LNX2: variants seen among roughly 807,000 people sequenced by gnomAD.
LNX2 encodes the protein ligand of numb-protein X 2.
A neutral mutation model predicts 66.2 loss-of-function variants in LNX2; 35 were observed. That is an observed-to-expected ratio of 0.53 (90% CI 0.40 to 0.70). LNX2 has a LOEUF of 0.70. LNX2 is among the 30% of genes least tolerant of loss of function. The probability of loss-of-function intolerance (pLI) is 0.00; values close to 1 mark genes in which losing one functional copy is unlikely to be tolerated. For missense variants in LNX2, 791 were observed against 850.8 expected (o/e 0.93, Z 0.87); for synonymous variants, 337 against 315.6 (o/e 1.07, Z -0.72).
chr13:27,597,585 T>A (rs1955612976), intron 1 of LNX2, among the ~76,000 whole-genome samples: 1 of 152,070 alleles, frequency 6.6e-6, no homozygotes, highest in Non-Finnish European at 1.5e-5. Flanking sequence ...TCAAATGATG[T>A]GACTAGACCC....
chr13:27,562,814 A>C (rs1251373229), intron 4 of LNX2, 33 bp from the exon 5 acceptor site: 3 of 1,574,846 alleles, frequency 1.9e-6, no homozygotes, highest in Non-Finnish European at 2.6e-6. Context: ...GAAGTGTGAC[A>C]ACCTTTTATT....
chr13:27,589,379 CAGAG>C (rs1955525362), intron 1 of LNX2, among the ~76,000 whole-genome samples: 1 of 152,190 alleles, frequency 6.6e-6, no homozygotes, highest in South Asian at 2.1e-4. Flanking sequence ...CATACACACA[CAGAG>C]GGAGTTTGAA....
At chr13:27,587,837 C>T (rs1250293843) in intron 1 of LNX2, among the ~76,000 whole-genome samples, 18 of 152,100 alleles carry the variant, frequency 1.2e-4, no homozygotes, top group African/African-American at 4.1e-4. Flanking sequence ...CTGGCTAACA[C>T]AGTGAAACCC....
chr13:27,608,518 G>A (rs1436119513), intron 1 of LNX2, among the ~76,000 whole-genome samples: 4 of 152,022 alleles, frequency 2.6e-5, no homozygotes, highest in African/African-American at 9.7e-5. Context: ...CATTAAGCAT[G>A]TATTAATTTT....
At chr13:27,590,480 C>T (rs1005300620) in intron 1 of LNX2, among the ~76,000 whole-genome samples, 2 of 151,978 alleles carry the variant, frequency 1.3e-5, no homozygotes, top group African/African-American at 4.8e-5. Context: ...CGGCCTCCCA[C>T]GGCCTCCGAA....
In LNX2 at chr13:27,583,235, T is replaced by TCCTCTCCAATATAA. The variant is rs1410534303; in HGVS notation, c.-100-1433_-100-1432insTTATATTGGAGAGG. ...GTGTGTGTGTGTGTGTGTGTGTGTG[T>TCCTCTCCAATATAA]GTGTGTGTGTGTGTGTGTGTGCGCG... is the stretch of plus-strand genomic sequence containing the variant. On this transcript the variant is annotated intron_variant, in intron 1 of 9. Coordinates refer to ENST00000316334, the MANE Select transcript of LNX2 (RefSeq NM_153371.4). 1.1e-3 allele frequency among the ~76,000 whole-genome samples: 19 copies of TCCTCTCCAATATAA among 17,144 alleles called. 2 individuals are homozygous for TCCTCTCCAATATAA. Among genetic ancestry groups the TCCTCTCCAATATAA allele is most frequent in the African/African-American group, 2.1e-3 (7 of 3,366 alleles). The allele number at this position is 17,144 out of a possible 152,430, so 11.2% of individuals were successfully genotyped here.
intron 1 of LNX2, among the ~76,000 whole-genome samples, chr13:27,616,980 A>C (rs986610043): frequency 6.6e-6 from 1 of 152,094 alleles, no homozygotes; most frequent in Admixed American, 6.5e-5. Context: ...TGAACTCCTG[A>C]CCTCGTGATC....
Position 27,569,124 on chromosome 13 carries a change from G to T in LNX2, c.560C>A (p.Pro187His). Residue 187 changes from proline (P) to histidine (H), a missense_variant, in exon 3 of 10, where the codon CCT becomes CAT. Transcript: ENST00000316334. ...CGCTGATGTCAAGTGCCGCTCCACAGGCACTGCGCCTGTCCCCAAACAGTC... is the reference window on the plus strand; with the variant it reads ...CGCTGATGTCAAGTGCCGCTCCACATGCACTGCGCCTGTCCCCAAACAGTC... ...EADCLGTGAV[P>H]VERHLTSASL... 6.2e-7 allele frequency: 1 copy of T among 1,613,132 alleles called. No individual in the cohort carries two copies. The highest frequency in any genetic ancestry group is 8.5e-7 in the Non-Finnish European group (1 of 1,179,694).
chr13:27,578,818 T>C (rs1220214641), intron 2 of LNX2, among the ~76,000 whole-genome samples: 1 of 152,222 alleles, frequency 6.6e-6, no homozygotes, highest in African/African-American at 2.4e-5. Context: ...TTTCAGCTCC[T>C]TCCCAGCTGT....
At chr13:27,617,992 C>T (rs968788941) in intron 1 of LNX2, among the ~76,000 whole-genome samples, 4 of 152,204 alleles carry the variant, frequency 2.6e-5, no homozygotes, top group Non-Finnish European at 5.9e-5. Flanking sequence ...TTCCTCAAAC[C>T]CTACTCAACA....
chr13:27,580,192 A>C (rs1453260074), intron 2 of LNX2, among the ~76,000 whole-genome samples: 6 of 152,198 alleles, frequency 3.9e-5, no homozygotes, highest in African/African-American at 1.4e-4. Context: ...GACTTGACCT[A>C]CGATAGAGTC....
intron 4 of LNX2, 131 bp downstream of exon 4, chr13:27,567,509 T>C (rs775885205): frequency 3.9e-5 from 27 of 699,658 alleles, no homozygotes; most frequent in Non-Finnish European, 5.9e-5. Context: ...TAAATTCTGA[T>C]GTTTTGCATA....
intron 1 of LNX2, among the ~76,000 whole-genome samples, chr13:27,593,290 T>C (rs1955563753): frequency 6.6e-6 from 1 of 152,180 alleles, no homozygotes. Context: ...TCATGTCTTA[T>C]CAACTTTAAA....
chr13:27,554,916 T>C (rs757458199), intron 7 of LNX2, among the ~76,000 whole-genome samples: 4 of 152,230 alleles, frequency 2.6e-5, no homozygotes, highest in Admixed American at 1.3e-4. Context: ...TTTTTCATTA[T>C]TGTCATCCTA....
chr13:27,603,973 G>A (rs1593263344), intron 1 of LNX2, among the ~76,000 whole-genome samples: 2 of 145,852 alleles, frequency 1.4e-5, no homozygotes, highest in Non-Finnish European at 1.5e-5. Flanking sequence ...AAAAAAAAAA[G>A]GCCGGGCACG....
intron 2 of LNX2, among the ~76,000 whole-genome samples, chr13:27,570,652 G>C (rs1955268030): frequency 6.6e-6 from 1 of 152,054 alleles, no homozygotes; most frequent in Non-Finnish European, 1.5e-5. Context: ...CAAGTAAGCA[G>C]GTTTAATTCG....
chr13:27,611,307 T>G (rs141033885), intron 1 of LNX2, among the ~76,000 whole-genome samples: 19 of 152,364 alleles, frequency 1.2e-4, no homozygotes, highest in Non-Finnish European at 2.5e-4. Flanking sequence ...ACAACATGGA[T>G]GAACCTTGAG....
chr13:27,565,987 A>G (rs940476060), intron 4 of LNX2, among the ~76,000 whole-genome samples: 2 of 151,860 alleles, frequency 1.3e-5, no homozygotes, highest in African/African-American at 4.9e-5. Context: ...ACAGCATCTT[A>G]TATTCAAATT....
chr13:27,550,086 G>GT (rs1214869383), intron 9 of LNX2, among the ~76,000 whole-genome samples: 1 of 152,136 alleles, frequency 6.6e-6, no homozygotes, highest in Non-Finnish European at 1.5e-5. Context: ...AATTTTTTCC[G>GT]TAAGGGGTCA....
Sources: gnomAD v4.1 joint callset for allele counts (sites outside exome capture counted in the v4.1 genomes callset) on GRCh38, gnomAD v4.1.1 for gene constraint, MANE v1.5 for transcripts, NCBI Gene and HGNC (gene_info 2026-07-23, HGNC 2026-07-21) for gene names.